The following WWTR1 variants were observed in gnomAD, a reference collection of about 807,000 sequenced individuals.
WWTR1 encodes WW domain containing transcription regulator 1.
In WWTR1, 13 loss-of-function variants were observed where a neutral mutation model predicts 40.1. The observed-to-expected ratio is 0.32, with a 90% confidence interval of 0.21 to 0.52. The LOEUF (loss-of-function observed/expected upper bound fraction) is 0.52, where lower values mean the gene tolerates loss of function less well. WWTR1 is among the 20% of genes least tolerant of loss of function. The probability of loss-of-function intolerance (pLI) is 0.97; values close to 1 mark genes in which losing one functional copy is unlikely to be tolerated. For missense variants in WWTR1, 436 were observed against 523.1 expected (o/e 0.83, Z 1.63); for synonymous variants, 230 against 210.1 (o/e 1.09, Z -0.82).
rs541784027 is a variant in WWTR1 at position 149,571,119 on chromosome 3, C to G, written c.568+1745G>C. On this transcript the variant is annotated intron_variant, in intron 3 of 6. Transcript: ENST00000360632. ...ACCTTAGTATGATTAAACATACACACACACACAACTAGAAACACTGGTTGG... is the reference window on the plus strand; with the variant it reads ...ACCTTAGTATGATTAAACATACACAGACACACAACTAGAAACACTGGTTGG... Among the ~76,000 whole-genome samples, 9 of 151,854 alleles carry G rather than the reference C, an allele frequency of 5.9e-5. No homozygotes were observed. In the East Asian group the frequency reaches 1.2e-3, roughly 20 times the overall value.
At chr3:149,643,337 A>G (rs1576617713) in intron 2 of WWTR1, among the ~76,000 whole-genome samples, 1 of 152,308 alleles carries the variant, frequency 6.6e-6, no homozygotes, top group East Asian at 1.9e-4. Context: ...TTATGGCTGT[A>G]ATTTAGTTAT....
chr3:149,566,385 T>C (rs1040323808), intron 3 of WWTR1, among the ~76,000 whole-genome samples: 3 of 151,866 alleles, frequency 2.0e-5, no homozygotes, highest in East Asian at 3.9e-4. Flanking sequence ...TCCCAAAAAG[T>C]GTATGGGTAT....
At chr3:149,631,365 G>A (rs1229895401) in intron 2 of WWTR1, among the ~76,000 whole-genome samples, 2 of 151,980 alleles carry the variant, frequency 1.3e-5, no homozygotes, top group Non-Finnish European at 2.9e-5. Flanking sequence ...AAAATTGTCG[G>A]GTTCCTTGAT....
intron 5 of WWTR1, among the ~76,000 whole-genome samples, chr3:149,717,224 G>A (rs1400898227): frequency 6.6e-6 from 1 of 152,160 alleles, no homozygotes; most frequent in African/African-American, 2.4e-5. Context: ...CCGTTCGAAA[G>A]CAGTTTCACT....
chr3:149,611,620 G>A (rs556360619), intron 2 of WWTR1, among the ~76,000 whole-genome samples: 1 of 152,324 alleles, frequency 6.6e-6, no homozygotes, highest in South Asian at 2.1e-4. Flanking sequence ...CATATTGTGA[G>A]GGGCAGAATG....
chr3:149,603,181 G>GC (rs377727686), intron 2 of WWTR1, among the ~76,000 whole-genome samples: 222 of 152,038 alleles, frequency 1.5e-3, no homozygotes, highest in African/African-American at 5.3e-3. Context: ...CTCATAAACT[G>GC]CCCCCCTCAC....
chr3:149,622,867 G>A (rs1428776428), intron 2 of WWTR1, among the ~76,000 whole-genome samples: 7 of 149,700 alleles, frequency 4.7e-5, no homozygotes, highest in Non-Finnish European at 8.9e-5. Context: ...TCCAGTCTGG[G>A]TGACAGAGTG....
chr3:149,684,147 A>G (rs1434671228), intron 1 of WWTR1, among the ~76,000 whole-genome samples: 1 of 152,080 alleles, frequency 6.6e-6, no homozygotes, highest in Non-Finnish European at 1.5e-5. Flanking sequence ...ACATGCATAG[A>G]TTATCATTTT....
chr3:149,628,932 C>A lies in WWTR1; in HGVS notation c.431+27944G>T, dbSNP rs551704247. 4.6e-4 allele frequency among the ~76,000 whole-genome samples: 70 copies of A among 151,772 alleles called. No homozygotes were observed. The South Asian group carries it at 0.014, about 29-fold the overall frequency. Reference sequence around the variant, plus strand: ...GGGACCACAGACACATACCACCCTGCCTGGCTTTAAAAAAAAAAATTGTAG... The same window carrying A: ...GGGACCACAGACACATACCACCCTGACTGGCTTTAAAAAAAAAAATTGTAG... On this transcript the variant is annotated intron_variant, in intron 2 of 6. Transcript: ENST00000360632.
In WWTR1 at chr3:149,657,014, G is replaced by A; in HGVS notation, c.293C>T (p.Thr98Ile). 6.3e-7 allele frequency: 1 copy of A among 1,595,294 alleles called. No homozygotes were observed. Among genetic ancestry groups the A allele is most frequent in the Non-Finnish European group, 8.5e-7 (1 of 1,175,604 alleles). Residue 98 changes from threonine (T) to isoleucine (I), a missense_variant, in exon 2 of 7, where the codon ACC (threonine) becomes ATC (isoleucine). By Grantham distance (89) the Thr-to-Ile change is moderately conservative (BLOSUM62 -1). Transcript: ENST00000360632. ...GGGGCTACCCGCAGCACCCGCGCCGGTGCCCAGCTGCAGGGACGCGGGCGA... is the reference window on the plus strand; with the variant it reads ...GGGGCTACCCGCAGCACCCGCGCCGATGCCCAGCTGCAGGGACGCGGGCGA... ...HSSPASLQLG[T>I]GAGAAGSPAQ...
At chr3:149,695,440 A>C (rs1714952797) in intron 1 of WWTR1, among the ~76,000 whole-genome samples, 1 of 152,126 alleles carries the variant, frequency 6.6e-6, no homozygotes, top group South Asian at 2.1e-4. Flanking sequence ...TGTACCTACT[A>C]TGTACTCATA....
In WWTR1 at chr3:149,669,256, G is replaced by A. The variant is rs970232366; in HGVS notation, c.-4+532C>T. On this transcript the variant is annotated intron_variant, in intron 2 of 7. Coordinates refer to the WWTR1 transcript ENST00000465804. ...TATACAAGAACCCCACATCTTACAA[G>A]GGAACCTCCTTTGTGACCACATAAT... 2.0e-5 allele frequency among the ~76,000 whole-genome samples: 3 copies of A among 152,192 alleles called. No individual in the cohort carries two copies. The East Asian group carries it at 5.8e-4, about 29-fold the overall frequency.
At chr3:149,613,883 T>C (rs780141582) in intron 2 of WWTR1, among the ~76,000 whole-genome samples, 1 of 152,036 alleles carries the variant, frequency 6.6e-6, no homozygotes, top group Non-Finnish European at 1.5e-5. Context: ...ATAATCCATG[T>C]TCATGGTGAA....
intron 2 of WWTR1, among the ~76,000 whole-genome samples, chr3:149,597,910 T>C (rs1321995396): frequency 6.6e-6 from 1 of 152,224 alleles, no homozygotes; most frequent in East Asian, 1.9e-4. Context: ...GCAAATCTTT[T>C]TGGAATGATT....
intron 2 of WWTR1, among the ~76,000 whole-genome samples, chr3:149,630,951 T>C (rs928407675): frequency 6.6e-6 from 1 of 152,214 alleles, no homozygotes; most frequent in South Asian, 2.1e-4. Flanking sequence ...ACAGGCTTAA[T>C]GGACAAAAGG....
intron 2 of WWTR1, among the ~76,000 whole-genome samples, chr3:149,619,608 G>A (rs555895335): frequency 5.3e-5 from 8 of 152,260 alleles, no homozygotes; most frequent in Non-Finnish European, 2.9e-5. Context: ...GGGTGACAGA[G>A]TAAGATCCTG....
chr3:149,528,099 C>G (rs1735414422), intron 4 of WWTR1, 130 bp from the exon 5 acceptor site: 3 of 1,173,340 alleles, frequency 2.6e-6, no homozygotes, highest in African/African-American at 1.6e-5. Flanking sequence ...TCAAAATCAC[C>G]AGGCAACCAT....
At chr3:149,535,370 C>CGGCG (rs1429989484) in intron 4 of WWTR1, among the ~76,000 whole-genome samples, 168 of 151,954 alleles carry the variant, frequency 1.1e-3, no homozygotes, top group African/African-American at 3.4e-3. Context: ...TTACGGGGGA[C>CGGCG]GGCGGGGGGA....
intron 4 of WWTR1, among the ~76,000 whole-genome samples, chr3:149,718,389 C>T (rs1017519504): frequency 6.6e-6 from 1 of 152,230 alleles, no homozygotes; most frequent in African/African-American, 2.4e-5. Context: ...TCTCTGTTCA[C>T]ACAGGCTCAA....
Sources: allele counts gnomAD v4.1 joint callset (sites outside exome capture counted in the v4.1 genomes callset), GRCh38; gene constraint gnomAD v4.1.1; transcripts MANE v1.5; gene names NCBI Gene and HGNC (gene_info 2026-07-23, HGNC 2026-07-21).